Variants in MTUS1 observed in about 807,000 individuals in gnomAD.
MTUS1 encodes microtubule associated scaffold protein 1, also known as microtubule-associated tumor suppressor 1.
A neutral mutation model predicts 120.8 loss-of-function variants in MTUS1; 109 were observed. The observed-to-expected ratio is 0.90, with a 90% CI of 0.77 to 1.06. The LOEUF (loss-of-function observed/expected upper bound fraction) is 1.06. MTUS1 is among the 50% of genes least tolerant of loss of function. The pLI is 0.00. For missense variants in MTUS1, 2,210 were observed against 1,486.3 expected (o/e 1.49, Z -8.01); for synonymous variants, 737 against 550.5 (o/e 1.34, Z -4.74).
Position 17,687,363 on chromosome 8 carries a change from AC to A in MTUS1, c.2624-2822del, listed in dbSNP as rs547995733. On this transcript the variant is annotated intron_variant, in intron 6 of 14. Transcript: ENST00000693296. ...GCAAAAATCTCCAATGACGCTCAAA[AC>A]CCCAAGGCTCATCAATACGTACTTC... Among the ~76,000 whole-genome samples, 122 of 152,134 alleles carry A rather than the reference AC, an allele frequency of 8.0e-4. 1 individual carries two copies. Among genetic ancestry groups the A allele is most frequent in the African/African-American group, 2.8e-3 (117 of 41,486 alleles).
intron 10 of MTUS1, chr8:17,653,742 C>T (rs1435067994): frequency 4.6e-6 from 2 of 433,326 alleles, no homozygotes; most frequent in African/African-American, 4.1e-5. Context: ...CCATGGCCCA[C>T]AGAGGCCATG....
At chr8:17,676,362 C>G (rs1275624112) in intron 7 of MTUS1, 1 of 702,746 alleles carries the variant, frequency 1.4e-6, no homozygotes, top group Non-Finnish European at 2.6e-6. Context: ...CCCCCCACCC[C>G]TCGCACTGTG....
intron 1 of MTUS1, among the ~76,000 whole-genome samples, chr8:17,783,886 C>T (rs2051087852): frequency 6.6e-6 from 1 of 152,158 alleles, no homozygotes. Flanking sequence ...ACTCCAATTC[C>T]CAAAGACCTA....
At chr8:17,672,518 CAA>C (rs1295457350) in intron 8 of MTUS1, among the ~76,000 whole-genome samples, 2 of 152,172 alleles carry the variant, frequency 1.3e-5, no homozygotes, top group African/African-American at 4.8e-5. Flanking sequence ...ATGTCAATGT[CAA>C]AGTTAGTTTC....
chr8:17,738,970 C>CT (rs376332179), intron 3 of MTUS1, among the ~76,000 whole-genome samples: 10 of 151,288 alleles, frequency 6.6e-5, no homozygotes, highest in Non-Finnish European at 1.0e-4. Context: ...GAGACCCCCC[C>CT]ATCTCTACAA....
At chr8:17,655,286 TAAA>T (rs35229905) in intron 9 of MTUS1, among the ~76,000 whole-genome samples, 3 of 137,064 alleles carry the variant, frequency 2.2e-5, no homozygotes, top group African/African-American at 2.8e-5. Context: ...CAGATGCCAC[TAAA>T]AAAAAAAAAA....
At chr8:17,793,545 T>C (rs116573036) in intron 1 of MTUS1, among the ~76,000 whole-genome samples, 1 of 152,146 alleles carries the variant, frequency 6.6e-6, no homozygotes, top group Non-Finnish European at 1.5e-5. Flanking sequence ...AGACCACATC[T>C]GGGAGAAATA....
At chr8:17,662,720 C>A (rs1032700900) in intron 8 of MTUS1, among the ~76,000 whole-genome samples, 2 of 151,870 alleles carry the variant, frequency 1.3e-5, no homozygotes, top group Admixed American at 6.6e-5. Context: ...GGAACACCAA[C>A]AGACCACCAT....
At chr8:17,711,385 T>G (rs1026000811) in intron 6 of MTUS1, among the ~76,000 whole-genome samples, 2 of 152,230 alleles carry the variant, frequency 1.3e-5, no homozygotes, top group African/African-American at 4.8e-5. Flanking sequence ...ACTTGCTGCT[T>G]CGCCCTGTAC....
intron 2 of MTUS1, among the ~76,000 whole-genome samples, chr8:17,745,708 G>A (rs944321193): frequency 2.0e-5 from 3 of 152,170 alleles, no homozygotes; most frequent in East Asian, 1.9e-4. Context: ...CACATCGAAC[G>A]TTAATAACTC....
At chr8:17,721,801 T>C (rs1350950695) in intron 4 of MTUS1, 6 of 1,614,052 alleles carry the variant, frequency 3.7e-6, no homozygotes, top group South Asian at 1.1e-5. Context: ...AGCATCATAG[T>C]GCCTCTCTGA....
rs745717647 is a variant in MTUS1, at chr8:17,754,137, C to T, written c.1671G>A (p.Pro557=). The part of the protein sequence containing the change: ...SRQQTVLSRT[P]RSDLNADKKA... ...TTTTGTCTGCATTCAAGTCAGATCT[C>T]GGTGTTCTGCTCAAGACTGTTTGTT... Residue 557 remains proline (P), a synonymous_variant, in exon 2 of 15, where the codon CCG becomes CCA. Coordinates refer to ENST00000693296, the MANE Select transcript of MTUS1 (RefSeq NM_001363059.2). 6.2e-6 allele frequency: 10 copies of T among 1,613,636 alleles called. No individual in the cohort carries two copies. The highest frequency in any genetic ancestry group is 2.2e-5 in the East Asian group (1 of 44,870).
At chr8:17,705,008 G>A (rs913502704) in intron 6 of MTUS1, among the ~76,000 whole-genome samples, 4 of 152,008 alleles carry the variant, frequency 2.6e-5, no homozygotes, top group African/African-American at 9.7e-5. Flanking sequence ...TTTTGAGACG[G>A]AGTCTTGCTC....
At chr8:17,662,349 A>ATTTTTTTTTTT (rs35308070) in intron 8 of MTUS1, among the ~76,000 whole-genome samples, 2 of 112,714 alleles carry the variant, frequency 1.8e-5, no homozygotes, top group Non-Finnish European at 3.6e-5. Flanking sequence ...TTTTGTCCCT[A>ATTTTTTTTTTT]TTTTTTTTTT....
chr8:17,766,987 G>C (rs1293894154), intron 1 of MTUS1, among the ~76,000 whole-genome samples: 2 of 151,956 alleles, frequency 1.3e-5, no homozygotes, highest in Non-Finnish European at 2.9e-5. Context: ...GTATATTTGA[G>C]AATTATATGA....
chr8:17,652,958 T>G (rs552027224), intron 12 of MTUS1, among the ~76,000 whole-genome samples: 1 of 152,318 alleles, frequency 6.6e-6, no homozygotes, highest in African/African-American at 2.4e-5. Flanking sequence ...CTTTTTAGCT[T>G]AGACCACCAG....
intron 1 of MTUS1, among the ~76,000 whole-genome samples, chr8:17,763,084 C>T (rs181451955): frequency 4.6e-5 from 7 of 152,158 alleles, no homozygotes; most frequent in African/African-American, 1.7e-4. Context: ...CTCCCCCTCC[C>T]GTGTTCAAAC....
intron 5 of MTUS1, among the ~76,000 whole-genome samples, chr8:17,714,841 C>T (rs148398604): frequency 7.0e-6 from 1 of 142,724 alleles, no homozygotes; most frequent in Admixed American, 7.0e-5. Flanking sequence ...TTCTCACTCA[C>T]AATTATTCGC....
chr8:17,666,808 TATTACTATTC>T (rs1811013228), intron 8 of MTUS1, among the ~76,000 whole-genome samples: 1 of 152,134 alleles, frequency 6.6e-6, no homozygotes, highest in Non-Finnish European at 1.5e-5. Flanking sequence ...GGGAAGCACC[TATTACTATTC>T]CTTAAAGCCC....
Sources: allele counts gnomAD v4.1 joint callset (sites outside exome capture counted in the v4.1 genomes callset), GRCh38; gene constraint gnomAD v4.1.1; transcripts MANE v1.5; gene names NCBI Gene and HGNC (gene_info 2026-07-23, HGNC 2026-07-21).